PTPRD: variants seen among roughly 807,000 people sequenced by gnomAD.
PTPRD encodes the protein protein tyrosine phosphatase receptor type D.
A neutral mutation model predicts 214.5 loss-of-function variants in PTPRD; 34 were observed. That is an observed-to-expected ratio of 0.16 (90% CI 0.12 to 0.21). The LOEUF (loss-of-function observed/expected upper bound fraction) is 0.21, where lower values mean the gene tolerates loss of function less well. Ranked by LOEUF, PTPRD falls within the 10% of genes least tolerant of loss-of-function variation. The pLI is 1.00. For missense variants in PTPRD, 2,545 were observed against 2,398.7 expected (o/e 1.06, Z -1.27); for synonymous variants, 1,128 against 845.7 (o/e 1.33, Z -5.79).
intron 5 of PTPRD, among the ~76,000 whole-genome samples, chr9:9,875,553 G>T (rs532920510): frequency 3.9e-4 from 60 of 152,000 alleles, no homozygotes; most frequent in African/African-American, 1.4e-3. Context: ...ATAACTACCA[G>T]AATTATTGTA....
chr9:10,582,827 T>G (rs891664920), intron 2 of PTPRD, among the ~76,000 whole-genome samples: 3 of 152,166 alleles, frequency 2.0e-5, no homozygotes, highest in African/African-American at 7.2e-5. Flanking sequence ...TGAAAGTCAT[T>G]AATGGTGTAA....
intron 7 of PTPRD, among the ~76,000 whole-genome samples, chr9:9,585,899 A>T (rs2091860040): frequency 6.6e-6 from 1 of 152,044 alleles, no homozygotes; most frequent in Admixed American, 6.6e-5. Context: ...ATAAATTAAC[A>T]TGGAGAAACT....
chr9:9,000,208 C>G (rs1261021932), intron 11 of PTPRD, among the ~76,000 whole-genome samples: 1 of 152,004 alleles, frequency 6.6e-6, no homozygotes, highest in Non-Finnish European at 1.5e-5. Context: ...CTGAATCACT[C>G]CAGATGCACA....
intron 5 of PTPRD, among the ~76,000 whole-genome samples, chr9:9,824,637 C>G (rs1480169804): frequency 6.6e-6 from 1 of 151,914 alleles, no homozygotes; most frequent in Non-Finnish European, 1.5e-5. Flanking sequence ...ACAACTGGAA[C>G]ATATTTCAGT....
intron 44 of PTPRD, among the ~76,000 whole-genome samples, chr9:8,329,454 C>T (rs901640784): frequency 2.0e-5 from 3 of 152,106 alleles, no homozygotes; most frequent in South Asian, 2.1e-4. Context: ...TCTGTCAGCC[C>T]CTACTGTGAG....
chr9:10,132,254 A>C (rs189581833), intron 3 of PTPRD, among the ~76,000 whole-genome samples: 3 of 152,310 alleles, frequency 2.0e-5, no homozygotes. Context: ...CCTTGTACCA[A>C]ATGTTGCTTA....
intron 9 of PTPRD, among the ~76,000 whole-genome samples, chr9:9,301,580 C>A (rs937546292): frequency 6.6e-6 from 1 of 151,794 alleles, no homozygotes; most frequent in Admixed American, 6.6e-5. Flanking sequence ...ATTTTTGAAT[C>A]TCGAGTTCAT....
intron 4 of PTPRD, among the ~76,000 whole-genome samples, chr9:9,952,454 C>G (rs930341502): frequency 2.0e-5 from 3 of 152,032 alleles, no homozygotes; most frequent in Non-Finnish European, 4.4e-5. Context: ...GGATGTTGTT[C>G]AATTACAAAA....
At chr9:9,426,973 G>T (rs2081205646) in intron 8 of PTPRD, among the ~76,000 whole-genome samples, 1 of 152,182 alleles carries the variant, frequency 6.6e-6, no homozygotes, top group Admixed American at 6.5e-5. Flanking sequence ...GAGCAGAAAA[G>T]ATGAAAAATC....
At chr9:9,754,893 G>T (rs1363292332) in intron 6 of PTPRD, among the ~76,000 whole-genome samples, 1 of 152,034 alleles carries the variant, frequency 6.6e-6, no homozygotes, top group African/African-American at 2.4e-5. Flanking sequence ...GCTTTTAGAA[G>T]AAAATGATGG....
At chr9:8,602,530 A>G (rs1463982484) in intron 14 of PTPRD, among the ~76,000 whole-genome samples, 1 of 151,250 alleles carries the variant, frequency 6.6e-6, no homozygotes, top group East Asian at 2.0e-4. Flanking sequence ...ATACAAACAA[A>G]TATTTAATTT....
intron 8 of PTPRD, among the ~76,000 whole-genome samples, chr9:9,412,745 C>T (rs1327911557): frequency 3.3e-5 from 5 of 152,066 alleles, no homozygotes; most frequent in African/African-American, 1.2e-4. Flanking sequence ...CATGCGCCAT[C>T]CCCCAAAAGA....
intron 3 of PTPRD, among the ~76,000 whole-genome samples, chr9:10,040,126 T>G (rs1014503889): frequency 6.6e-6 from 1 of 152,006 alleles, no homozygotes; most frequent in Non-Finnish European, 1.5e-5. Flanking sequence ...GGTAATACTC[T>G]ATCTAGAAAA....
intron 9 of PTPRD, among the ~76,000 whole-genome samples, chr9:9,230,593 C>T (rs969911270): frequency 1.1e-4 from 17 of 152,090 alleles, no homozygotes; most frequent in African/African-American, 3.9e-4. Context: ...AATTGGTACA[C>T]TCTCAAACTA....
chr9:8,689,768 T>C (rs913917455), intron 12 of PTPRD, among the ~76,000 whole-genome samples: 16 of 152,128 alleles, frequency 1.1e-4, no homozygotes, highest in African/African-American at 3.6e-4. Context: ...AATATTACTG[T>C]TTTTCTACAC....
intron 11 of PTPRD, among the ~76,000 whole-genome samples, chr9:8,859,537 C>T (rs1233557067): frequency 1.3e-5 from 2 of 152,138 alleles, no homozygotes; most frequent in African/African-American, 4.8e-5. Context: ...TGTGTTCAGG[C>T]CAGCACATAC....
chr9:8,926,109 C>G (rs1567038764), intron 11 of PTPRD, among the ~76,000 whole-genome samples: 2 of 152,048 alleles, frequency 1.3e-5, no homozygotes, highest in African/African-American at 4.8e-5. Context: ...AAGCTTCTTG[C>G]AGGCCCTTAA....
At chr9:9,030,947 T>G (rs2099603373) in intron 10 of PTPRD, among the ~76,000 whole-genome samples, 1 of 152,002 alleles carries the variant, frequency 6.6e-6, no homozygotes, top group Non-Finnish European at 1.5e-5. Flanking sequence ...ATGATTCATC[T>G]CTCAGTGGAA....
intron 10 of PTPRD, among the ~76,000 whole-genome samples, chr9:9,073,541 C>T (rs1035651596): frequency 6.6e-6 from 1 of 152,054 alleles, no homozygotes; most frequent in South Asian, 2.1e-4. Context: ...GAATGGGTCT[C>T]ATTAAATTTG....
Sources: gnomAD v4.1 joint callset for allele counts (sites outside exome capture counted in the v4.1 genomes callset) on GRCh38, gnomAD v4.1.1 for gene constraint, MANE v1.5 for transcripts, NCBI Gene and HGNC (gene_info 2026-07-23, HGNC 2026-07-21) for gene names.